The following GDPGP1 variants were observed in gnomAD, a reference collection of about 807,000 sequenced individuals.
GDPGP1 encodes GDP-D-glucose phosphorylase C15orf58.
A neutral mutation model predicts 19.2 loss-of-function variants in GDPGP1; 18 were observed. That is an observed-to-expected ratio of 0.94 (90% CI 0.65 to 1.39). The LOEUF (loss-of-function observed/expected upper bound fraction) is 1.39. Among genes scored for constraint, GDPGP1 ranks in the 40% most tolerant of loss-of-function variants. GDPGP1 has a pLI of 0.00. For missense variants in GDPGP1, 449 were observed against 490.5 expected (o/e 0.92, Z 0.80); for synonymous variants, 219 against 208.9 (o/e 1.05, Z -0.42).
At position 90,241,317 on chromosome 15, in the gene GDPGP1, C is replaced by G. The variant is rs770974219; in HGVS notation, c.409C>G (p.Arg137Gly). The G allele has an allele frequency of 1.1e-5, 18 of 1,614,106 alleles. No individual in the cohort carries two copies. The highest frequency in any genetic ancestry group is 5.0e-5 in the Admixed American group (3 of 60,004). Residue 137 changes from arginine (R) to glycine (G), a missense_variant, in exon 4 of 4, where the codon CGT becomes GGT. By Grantham distance (125) the Arg-to-Gly change is moderately radical (BLOSUM62 -2). Coordinates refer to ENST00000329600, the MANE Select transcript of GDPGP1 (RefSeq NM_001013657.3). ...GATCCGGCCCGGAGAAGTCCTCTTC[C>G]GTTTGCACCGGGAGCCTGATCTCCC... is the stretch of plus-strand genomic sequence containing the variant. The part of the protein sequence containing the change: ...NKIRPGEVLF[R>G]LHREPDLPGT...
In GDPGP1 at chr15:90,244,863, G is replaced by A. The variant is rs1030847408; in HGVS notation, c.*2797G>A. The A allele has an allele frequency of 6.6e-6, 1 of 152,162 alleles. No homozygotes were observed. The allele number at this position is 152,162 out of a possible 1,614,324, so 9.4% of individuals were successfully genotyped here. ...AGTCTTGGGTCCAGCTCTCAACAGA[G>A]ATTATCACCGCCACCACTCCTTCAT... On this transcript the variant is annotated 3_prime_UTR_variant, in exon 4 of 4. Coordinates refer to ENST00000329600, the MANE Select transcript of GDPGP1 (RefSeq NM_001013657.3).
In GDPGP1 at chr15:90,240,940, C is replaced by T. The variant is rs1314900788; in HGVS notation, c.32C>T (p.Ser11Phe). The T allele has an allele frequency of 6.2e-7, 1 of 1,613,894 alleles. No individual in the cohort carries two copies. The change falls in exon 4 of 4, where the codon TCC (serine) becomes TTC (phenylalanine). Residue 11 changes from serine (S) to phenylalanine (F), a missense_variant. Transcript: ENST00000329600. MALPHDSNETSYLLPPNNEDW... is the reference protein window; with the variant it reads MALPHDSNETFYLLPPNNEDW... ...CTTCCACATGATTCAAACGAAACTTCCTATTTGCTGCCTCCCAACAATGAG... is the reference window on the plus strand; with the variant it reads ...CTTCCACATGATTCAAACGAAACTTTCTATTTGCTGCCTCCCAACAATGAG...
At chr15:90,238,926 CA>C (rs1962690155) in intron 3 of GDPGP1, among the ~76,000 whole-genome samples, 1 of 150,674 alleles carries the variant, frequency 6.6e-6, no homozygotes, top group Non-Finnish European at 1.5e-5. Context: ...CTGTCTCTAC[CA>C]AAAACAAAAC....
At position 90,234,879 on chromosome 15, in the gene GDPGP1, A is replaced by T. The variant is rs142082147; in HGVS notation, c.-67+283A>T. Among the ~76,000 whole-genome samples, 1,468 of 152,328 alleles carry T rather than the reference A, an allele frequency of 9.6e-3. 28 individuals carry two copies. The highest frequency in any genetic ancestry group is 0.034 in the African/African-American group (1,397 of 41,552). On this transcript the variant is annotated intron_variant, in intron 2 of 3. Coordinates refer to ENST00000329600, the MANE Select transcript of GDPGP1 (RefSeq NM_001013657.3). ...GAATGCATAATAAATGAATGAACGT[A>T]TACTATTGCAAAAGGTAAGGATTCC...
At chr15:90,235,654 G>A (rs1419212831) in intron 2 of GDPGP1, among the ~76,000 whole-genome samples, 21 of 151,688 alleles carry the variant, frequency 1.4e-4, no homozygotes, top group African/African-American at 5.1e-4. Flanking sequence ...TGCAAGCTCC[G>A]CCTCCTGGGT....
intron 2 of GDPGP1, among the ~76,000 whole-genome samples, chr15:90,237,633 GT>G (rs1368774694): frequency 2.0e-5 from 3 of 151,912 alleles, no homozygotes; most frequent in African/African-American, 7.3e-5. Flanking sequence ...GATTAATGAC[GT>G]TAAACATCCC....
intron 2 of GDPGP1, among the ~76,000 whole-genome samples, chr15:90,237,212 GC>G (rs939703251): frequency 6.6e-6 from 1 of 151,260 alleles, no homozygotes; most frequent in African/African-American, 2.4e-5. Context: ...ACCCACCTTG[GC>G]CCCCCAGAGT....
Position 90,240,473 on chromosome 15 carries a change from C to T in GDPGP1, c.-9-427C>T, listed in dbSNP as rs550844481. On this transcript the variant is annotated intron_variant, in intron 3 of 3. Coordinates refer to ENST00000329600, the MANE Select transcript of GDPGP1 (RefSeq NM_001013657.3). ...CAGTGAGCCAAGATCGCGCCACTGCCCTCTAGCCTGGGCAACAGAGTGAGA... is the reference window on the plus strand; with the variant it reads ...CAGTGAGCCAAGATCGCGCCACTGCTCTCTAGCCTGGGCAACAGAGTGAGA... Among the ~76,000 whole-genome samples, 4 of 150,836 alleles carry T rather than the reference C, an allele frequency of 2.7e-5. No homozygotes were observed. In the East Asian group the frequency reaches 5.9e-4, roughly 22 times the overall value.
At chr15:90,237,449 C>T (rs112321922) in intron 2 of GDPGP1, among the ~76,000 whole-genome samples, 5,061 of 151,546 alleles carry the variant, frequency 0.033, 297 homozygotes, top group African/African-American at 0.12. Flanking sequence ...CCACGCCCAG[C>T]TAATTTTTGT....
chr15:90,236,813 C>T (rs1962645323), intron 2 of GDPGP1, among the ~76,000 whole-genome samples: 1 of 151,944 alleles, frequency 6.6e-6, no homozygotes, highest in African/African-American at 2.4e-5. Flanking sequence ...TGAGCCACCA[C>T]GCCCGGCCTC....
Position 90,241,531 on chromosome 15 carries a change from T to C in GDPGP1, c.623T>C (p.Leu208Pro). The change falls in exon 4 of 4, where the codon CTG (leucine) becomes CCG (proline). Residue 208 changes from leucine (L) to proline (P), a missense_variant. Physicochemically the swap from Leu to Pro is moderately conservative, Grantham distance 98. Transcript: ENST00000329600. Reference sequence around the variant, plus strand: ...GGCTTCCGTGTCGGCTTCAACAGCCTGGGAGGCTTGGCCTCGGTGAACCAC... The same window carrying C: ...GGCTTCCGTGTCGGCTTCAACAGCCCGGGAGGCTTGGCCTCGGTGAACCAC... ...HPGFRVGFNS[L>P]GGLASVNHLH... The C allele has an allele frequency of 6.2e-7, 1 of 1,613,544 alleles. No individual in the cohort carries two copies. The highest frequency in any genetic ancestry group is 8.5e-7 in the Non-Finnish European group (1 of 1,180,034).
chr15:90,243,595 C>G lies in GDPGP1; in HGVS notation c.*1529C>G, dbSNP rs887706022. ...CTCCTGGCCTTAAGAAATCCTCCCA[C>G]CTCGGCCTCCCAGAGTGCTAAGATG... On this transcript the variant is annotated 3_prime_UTR_variant, in exon 4 of 4. Coordinates refer to ENST00000329600, the MANE Select transcript of GDPGP1 (RefSeq NM_001013657.3). 3.3e-5 allele frequency: 5 copies of G among 151,440 alleles called. No homozygotes were observed. The highest frequency in any genetic ancestry group is 1.2e-4 in the African/African-American group (5 of 41,068). 9.4% of individuals were successfully genotyped at this position (151,440 alleles called of 1,614,324 possible). A position where few individuals can be genotyped will look rare whatever the true frequency, so the allele number is the denominator to read the frequency against.
At chr15:90,239,924 C>G (rs1418865942) in intron 3 of GDPGP1, among the ~76,000 whole-genome samples, 2 of 150,248 alleles carry the variant, frequency 1.3e-5, no homozygotes, top group Admixed American at 6.6e-5. Context: ...GAACCTGTTT[C>G]AAAATAAAAT....
At chr15:90,240,854 G>A in intron 3 of GDPGP1, 46 bp from the exon 4 acceptor site, 1 of 1,143,378 alleles carries the variant, frequency 8.7e-7, no homozygotes, top group Non-Finnish European at 1.3e-6. Flanking sequence ...ACAATCTCTG[G>A]AGGTGGGTTA....
In GDPGP1 at chr15:90,245,481, A is replaced by AAAAG. The variant is rs949276275; in HGVS notation, c.*3418_*3419insGAAA. On this transcript the variant is annotated 3_prime_UTR_variant, in exon 4 of 4. Coordinates refer to ENST00000329600, the MANE Select transcript of GDPGP1 (RefSeq NM_001013657.3). ...GAGAGAGACTTTGTCTCAAAAAAAA[A>AAAAG]AAAAAAGAAAAAAACAGTTTACCAT... 4.6e-5 allele frequency: 7 copies of AAAAG among 151,906 alleles called. No homozygotes were observed. Among genetic ancestry groups the AAAAG allele is most frequent in the East Asian group, 1.9e-4 (1 of 5,176 alleles). The allele number at this position is 151,906 out of a possible 1,614,324, so 9.4% of individuals were successfully genotyped here.
chr15:90,240,705 C>G (rs2151640034), intron 3 of GDPGP1, among the ~76,000 whole-genome samples, 195 bp from the exon 4 acceptor site: 1 of 148,226 alleles, frequency 6.7e-6, no homozygotes, highest in South Asian at 2.2e-4. Context: ...CCCAGCTGCC[C>G]AGGAGGCTGA....
At position 90,242,089 on chromosome 15, in the gene GDPGP1, CTTT is replaced by C. The variant is rs780901807; in HGVS notation, c.*28_*30del. 6.4e-7 allele frequency: 1 copy of C among 1,557,400 alleles called. No homozygotes were observed. The highest frequency in any genetic ancestry group is 8.7e-7 in the Non-Finnish European group (1 of 1,147,594). On this transcript the variant is annotated 3_prime_UTR_variant, in exon 4 of 4. Coordinates refer to ENST00000329600, the MANE Select transcript of GDPGP1 (RefSeq NM_001013657.3). ...TAATACTTCTGGATGTATTTATGTTCTTTTTTTCTTTTCTTTTGAGATAGGGTC... is the reference window on the plus strand; with the variant it reads ...TAATACTTCTGGATGTATTTATGTTCTTTTCTTTTCTTTTGAGATAGGGTC...
chr15:90,238,646 A>G (rs1352539452), intron 3 of GDPGP1, 98 bp downstream of exon 3: 1 of 152,038 alleles, frequency 6.6e-6, no homozygotes, highest in Non-Finnish European at 1.5e-5. Flanking sequence ...GAAGATGAAG[A>G]CAGGCACTAA....
At position 90,243,954 on chromosome 15, in the gene GDPGP1, T is replaced by C. The variant is rs1962818198; in HGVS notation, c.*1888T>C. On this transcript the variant is annotated 3_prime_UTR_variant, in exon 4 of 4. Transcript: ENST00000329600. ...TGCACCTGGCCTGAGTTTTTTTTTT[T>C]TTTTCTTGAATCAGAGTTTCACTCT... 1 of 151,644 alleles carries C rather than the reference T, an allele frequency of 6.6e-6. No individual in the cohort carries two copies. The highest frequency in any genetic ancestry group is 1.5e-5 in the Non-Finnish European group (1 of 68,066). The allele number at this position is 151,644 out of a possible 1,614,324, so 9.4% of individuals were successfully genotyped here.
Sources: allele counts gnomAD v4.1 joint callset (sites outside exome capture counted in the v4.1 genomes callset), GRCh38; gene constraint gnomAD v4.1.1; transcripts MANE v1.5; gene names NCBI Gene and HGNC (gene_info 2026-07-23, HGNC 2026-07-21).